The following SLIT3 variants were observed in gnomAD, a reference collection of about 807,000 sequenced individuals.
SLIT3 encodes slit guidance ligand 3.
Under a neutral mutation model 184.0 loss-of-function variants are expected in SLIT3, and 68 were observed. The observed-to-expected ratio is 0.37, with a 90% CI of 0.30 to 0.45. SLIT3 has a LOEUF of 0.45. Among genes scored for constraint, SLIT3 ranks in the 20% least tolerant of loss-of-function variants. The pLI, the probability that SLIT3 is intolerant of heterozygous loss-of-function variation, is 1.00. For missense variants in SLIT3, 1,707 were observed against 2,026.0 expected, an observed-to-expected ratio of 0.84 and a Z score of 3.02; for synonymous variants, 831 against 828.6, an observed-to-expected ratio of 1.00 and a Z score of -0.05.
chr5:168,899,771 C>A (rs1248970466), intron 4 of SLIT3, among the ~76,000 whole-genome samples: 1 of 148,332 alleles, frequency 6.7e-6, no homozygotes, highest in Non-Finnish European at 1.5e-5. Context: ...AGTTCTGAAA[C>A]CTTAGCCAGG....
chr5:168,679,295 C>T (rs1454061948), intron 32 of SLIT3, among the ~76,000 whole-genome samples: 2 of 152,060 alleles, frequency 1.3e-5, no homozygotes, highest in Non-Finnish European at 1.5e-5. Flanking sequence ...TGGGCTCAGG[C>T]GATCCTCCTG....
chr5:169,025,964 G>T (rs1322706752), intron 4 of SLIT3, among the ~76,000 whole-genome samples: 1 of 152,142 alleles, frequency 6.6e-6, no homozygotes, highest in Non-Finnish European at 1.5e-5. Flanking sequence ...ATGCTTAAAA[G>T]GTGAGTGGCT....
At chr5:169,191,932 C>A (rs1043844610) in intron 4 of SLIT3, among the ~76,000 whole-genome samples, 12 of 152,170 alleles carry the variant, frequency 7.9e-5, no homozygotes, top group Non-Finnish European at 1.6e-4. Flanking sequence ...TTCCCTTTGC[C>A]TTTAAATTGA....
At chr5:169,285,597 C>A (rs1210226364) in intron 1 of SLIT3, among the ~76,000 whole-genome samples, 1 of 152,170 alleles carries the variant, frequency 6.6e-6, no homozygotes. Context: ...TAAGTCCATT[C>A]ATAAAAAGCC....
chr5:169,005,830 G>A (rs1348485125), intron 4 of SLIT3, among the ~76,000 whole-genome samples: 4 of 152,206 alleles, frequency 2.6e-5, no homozygotes, highest in South Asian at 2.1e-4. Context: ...TGGGGGAAAC[G>A]CAGCGCAAAA....
At chr5:169,037,283 G>A (rs931813247) in intron 4 of SLIT3, among the ~76,000 whole-genome samples, 1 of 152,194 alleles carries the variant, frequency 6.6e-6, no homozygotes, top group African/African-American at 2.4e-5. Flanking sequence ...AGAACACTTG[G>A]CAGCTTGGGT....
intron 4 of SLIT3, chr5:169,024,782 G>T (rs528837089): frequency 2.5e-4 from 38 of 152,332 alleles, no homozygotes; most frequent in African/African-American, 9.1e-4. Context: ...AGGAAGAATA[G>T]CAGTGATGCA....
At chr5:169,079,871 TGGA>T (rs1243644922) in intron 4 of SLIT3, among the ~76,000 whole-genome samples, 1 of 15,908 alleles carries the variant, frequency 6.3e-5, no homozygotes, top group Non-Finnish European at 1.2e-4. Context: ...GGAGGAAAGG[TGGA>T]GGAGGAGGAA....
intron 27 of SLIT3, among the ~76,000 whole-genome samples, chr5:168,696,866 T>C (rs1762080192): frequency 6.6e-6 from 1 of 152,040 alleles, no homozygotes; most frequent in Admixed American, 6.6e-5. Context: ...CTTTAAGTGA[T>C]TTTTTTACTC....
At chr5:169,027,656 C>A (rs1308926345) in intron 4 of SLIT3, among the ~76,000 whole-genome samples, 3 of 152,168 alleles carry the variant, frequency 2.0e-5, no homozygotes, top group African/African-American at 7.2e-5. Context: ...ATGTAATAAG[C>A]CTGGTCCAAT....
chr5:169,093,958 T>C (rs983504016), intron 4 of SLIT3, among the ~76,000 whole-genome samples: 12 of 152,228 alleles, frequency 7.9e-5, no homozygotes, highest in Non-Finnish European at 1.3e-4. Context: ...CTAATGTTTG[T>C]TAAGAGTATA....
chr5:169,202,408 T>C (rs1763930736), intron 3 of SLIT3, among the ~76,000 whole-genome samples: 1 of 152,132 alleles, frequency 6.6e-6, no homozygotes, highest in Admixed American at 6.5e-5. Flanking sequence ...AAGCAGACAC[T>C]GTTACAGTCA....
intron 4 of SLIT3, among the ~76,000 whole-genome samples, chr5:169,081,723 T>C (rs891173098): frequency 6.6e-6 from 1 of 152,116 alleles, no homozygotes; most frequent in African/African-American, 2.4e-5. Context: ...ACAATGGCAG[T>C]AGGAGGTTGG....
At chr5:168,929,932 A>C (rs1761938719) in intron 4 of SLIT3, among the ~76,000 whole-genome samples, 1 of 152,232 alleles carries the variant, frequency 6.6e-6, no homozygotes, top group African/African-American at 2.4e-5. Context: ...CTCGGGGACC[A>C]CATCTACCTT....
At position 169,014,284 on chromosome 5, in the gene SLIT3, T is replaced by G. The variant is rs550194631; in HGVS notation, c.414-130948A>C. 3.9e-5 allele frequency among the ~76,000 whole-genome samples: 6 copies of G among 152,300 alleles called. No homozygotes were observed. In the South Asian group the frequency reaches 1.0e-3, roughly 26 times the overall value. Reference sequence around the variant, plus strand: ...TTTATACATTATACATGTATTCTTATTCTCTCTCTCCAGCTATATATATCC... The same window carrying G: ...TTTATACATTATACATGTATTCTTAGTCTCTCTCTCCAGCTATATATATCC... On this transcript the variant is annotated intron_variant, in intron 4 of 35. Coordinates refer to ENST00000519560, the MANE Select transcript of SLIT3 (RefSeq NM_003062.4).
intron 5 of SLIT3, among the ~76,000 whole-genome samples, chr5:168,860,647 T>G (rs1759069848): frequency 1.3e-5 from 2 of 151,966 alleles, no homozygotes; most frequent in Admixed American, 6.6e-5. Flanking sequence ...CAATCCCAAG[T>G]CCATATCCTA....
intron 4 of SLIT3, among the ~76,000 whole-genome samples, chr5:168,974,032 A>AC (rs750701015): frequency 6.6e-6 from 1 of 152,224 alleles, no homozygotes; most frequent in Non-Finnish European, 1.5e-5. Flanking sequence ...TGTTTGGAAC[A>AC]CTAAATTACA....
chr5:168,706,924 T>C (rs921148854), intron 26 of SLIT3: 1 of 152,238 alleles, frequency 6.6e-6, no homozygotes, highest in Non-Finnish European at 1.5e-5. Flanking sequence ...ATCAGATGTG[T>C]GCATTAGACA....
At chr5:169,044,769 A>T (rs183727808) in intron 4 of SLIT3, among the ~76,000 whole-genome samples, 82 of 152,298 alleles carry the variant, frequency 5.4e-4, no homozygotes, top group African/African-American at 1.9e-3. Context: ...AAAAAGAAGG[A>T]AAAAAGAAAG....
Sources: gnomAD v4.1 joint callset for allele counts (sites outside exome capture counted in the v4.1 genomes callset) on GRCh38, gnomAD v4.1.1 for gene constraint, MANE v1.5 for transcripts, NCBI Gene and HGNC (gene_info 2026-07-23, HGNC 2026-07-21) for gene names.